ALDOA: variants seen among roughly 807,000 people sequenced by gnomAD.
ALDOA encodes aldolase, fructose-bisphosphate A, also known as fructose-bisphosphate aldolase A.
A neutral mutation model predicts 43.9 loss-of-function variants in ALDOA; 26 were observed. The observed-to-expected ratio is 0.59, with a 90% CI of 0.43 to 0.82. ALDOA has a LOEUF of 0.82. Among genes scored for constraint, ALDOA ranks in the 40% least tolerant of loss-of-function variants. The pLI is 0.00. For missense variants in ALDOA, 498 were observed against 549.5 expected, an observed-to-expected ratio of 0.91 and a Z score of 0.94; for synonymous variants, 258 against 222.6, an observed-to-expected ratio of 1.16 and a Z score of -1.42.
chr16:30,067,653 G>A lies in ALDOA; in HGVS notation c.478G>A (p.Gly160Ser). 1 of 1,614,152 alleles carries A rather than the reference G, an allele frequency of 6.2e-7. No individual in the cohort carries two copies. Among genetic ancestry groups the A allele is most frequent in the Non-Finnish European group, 8.5e-7 (1 of 1,180,040 alleles). The change falls in exon 4 of 10, where the codon GGC (glycine) becomes AGC (serine). Residue 160 changes from glycine to serine, a missense_variant. By Grantham distance (56) the Gly-to-Ser change is moderately conservative. Coordinates refer to ENST00000642816, the MANE Select transcript of ALDOA (RefSeq NM_001243177.4). Reference sequence around the variant, plus strand: ...TATCAAATCCAAGGGCGGTGTTGTGGGCATCAAGGTAAGGGGAGGGCCTCC... The same window carrying A: ...TATCAAATCCAAGGGCGGTGTTGTGAGCATCAAGGTAAGGGGAGGGCCTCC... ...QVIKSKGGVVGIKVDKGVVPL... is the reference protein window; with the variant it reads ...QVIKSKGGVVSIKVDKGVVPL...
chr16:30,069,476 ACCGTGCG>A lies in ALDOA; in HGVS notation c.787-20_787-14del, dbSNP rs781754795. ...TATCCTCTCCTCCACCCCACTACCC[ACCGTGCG>A]CCTGCTCTGCTCCAGGTGCTGGCTG... On this transcript the variant is annotated splice_polypyrimidine_tract_variant and intron_variant, in intron 7 of 9. Transcript: ENST00000642816. 1 of 1,613,760 alleles carries A rather than the reference ACCGTGCG, an allele frequency of 6.2e-7. No homozygotes were observed. The highest frequency in any genetic ancestry group is 2.2e-5 in the East Asian group (1 of 44,886).
Position 30,070,147 on chromosome 16 carries a change from A to T in ALDOA, c.1192A>T (p.Thr398Ser), listed in dbSNP as rs776994056. Residue 398 changes from threonine to serine, a missense_variant, in exon 10 of 10, where the codon ACT (threonine) becomes TCT (serine). Physicochemically the swap from Thr to Ser is moderately conservative, Grantham distance 58. Transcript: ENST00000642816. ...CAGCCTTGCCTGTCAAGGAAAGTAC[A>T]CTCCGAGCGGTCAGGCTGGGGCTGC... Reference protein sequence around the residue: ...ANSLACQGKYTPSGQAGAAAS... With the variant: ...ANSLACQGKYSPSGQAGAAAS... 3.1e-6 allele frequency: 5 copies of T among 1,613,918 alleles called. No homozygotes were observed. In the South Asian group the frequency reaches 5.5e-5, roughly 18 times the overall value.
Position 30,067,536 on chromosome 16 carries a change from G to A in ALDOA, c.361G>A (p.Asp121Asn). ...CTACCGCCAGCTGCTGCTGACAGCT[G>A]ACGACCGCGTGAACCCCTGCATTGG... ...RFYRQLLLTA[D>N]DRVNPCIGGV... The change falls in exon 4 of 10, where the codon GAC (aspartate) becomes AAC (asparagine). Residue 121 changes from aspartate (D) to asparagine (N), a missense_variant. Transcript: ENST00000642816. 1 of 1,613,902 alleles carries A rather than the reference G, an allele frequency of 6.2e-7. No homozygotes were observed. The highest frequency in any genetic ancestry group is 1.1e-5 in the South Asian group (1 of 91,078).
chr16:30,065,338 G>A (rs1430541892), upstream of ALDOA, among the ~76,000 whole-genome samples: 1 of 152,234 alleles, frequency 6.6e-6, no homozygotes, highest in East Asian at 1.9e-4. Context: ...CGCTGCAGCC[G>A]CGAAGACCGG....
chr16:30,066,801 G>A, intron 1 of ALDOA, 84 bp from the exon 2 acceptor site: 3 of 1,440,950 alleles, frequency 2.1e-6, no homozygotes, highest in Non-Finnish European at 2.8e-6. Context: ...CCATATCTGG[G>A]CCCTTTCCCA....
At chr16:30,066,800 G>T in intron 1 of ALDOA, 85 bp from the exon 2 acceptor site, 1 of 1,434,452 alleles carries the variant, frequency 7.0e-7, no homozygotes, top group Non-Finnish European at 9.4e-7. Flanking sequence ...CCCATATCTG[G>T]GCCCTTTCCC....
Position 30,069,659 on chromosome 16 carries a change from C to T in ALDOA, c.947C>T (p.Pro316Leu). ...GTCACAGCGCTGCGCCGCACAGTGCCCCCCGCTGTCACTGGTGAGGCCCAC... is the reference window on the plus strand; with the variant it reads ...GTCACAGCGCTGCGCCGCACAGTGCTCCCCGCTGTCACTGGTGAGGCCCAC... The part of the protein sequence containing the change: ...ATVTALRRTV[P>L]PAVTGITFLS... Residue 316 changes from proline (P) to leucine (L), a missense_variant, in exon 8 of 10, where the codon CCC becomes CTC. By Grantham distance (98) the Pro-to-Leu change is moderately conservative. Coordinates refer to ENST00000642816, the MANE Select transcript of ALDOA (RefSeq NM_001243177.4). 6.2e-7 allele frequency: 1 copy of T among 1,613,634 alleles called. No homozygotes were observed. The highest frequency in any genetic ancestry group is 8.5e-7 in the Non-Finnish European group (1 of 1,180,006).
In ALDOA at chr16:30,069,324, G is replaced by T; in HGVS notation, c.721G>T (p.Val241Leu). ...CCTGCAGAATGGCATTGTGCCCATC[G>T]TGGAGCCTGAGATCCTCCCTGATGG... is the stretch of plus-strand genomic sequence containing the variant. ...ICQQNGIVPIVEPEILPDGDH... is the reference protein window; with the variant it reads ...ICQQNGIVPILEPEILPDGDH... The change falls in exon 7 of 10, where the codon GTG becomes TTG. Residue 241 changes from valine to leucine, a missense_variant. Val to Leu is a conservative substitution (Grantham distance 32). Transcript: ENST00000642816. The T allele has an allele frequency of 1.2e-6, 2 of 1,614,160 alleles. No individual in the cohort carries two copies. Among genetic ancestry groups the T allele is most frequent in the East Asian group, 2.2e-5 (1 of 44,878 alleles).
chr16:30,067,091 C>T, intron 2 of ALDOA, 53 bp downstream of exon 2: 1 of 1,568,630 alleles, frequency 6.4e-7, no homozygotes, highest in Non-Finnish European at 8.6e-7. Context: ...GAGCTGGGGA[C>T]CAGAAGTGCC....
Position 30,070,097 on chromosome 16 carries a change from C to T in ALDOA, c.1162-20C>T. ...GACTCGGAGAAGAGCCCTTCTCACT[C>T]CACCCCTCTCCCTGCTTAGGCCAAC... On this transcript the variant is annotated intron_variant, in intron 9 of 9. Coordinates refer to ENST00000642816, the MANE Select transcript of ALDOA (RefSeq NM_001243177.4). 3 of 1,613,806 alleles carry T rather than the reference C, an allele frequency of 1.9e-6. No individual in the cohort carries two copies. The highest frequency in any genetic ancestry group is 2.5e-6 in the Non-Finnish European group (3 of 1,179,940).
chr16:30,066,908 G>T lies in ALDOA; in HGVS notation c.11G>T (p.Arg4Leu). MAR[R>L]KPEGSSFNMT... ...AGGCAAGGTGACCCCATGGCAAGGC[G>T]CAAGCCAGAAGGGTCCAGCTTCAAC... Residue 4 changes from arginine to leucine, a missense_variant, in exon 2 of 10, where the codon CGC (arginine) becomes CTC (leucine). Arg to Leu is a moderately radical substitution (Grantham distance 102, BLOSUM62 -2). Coordinates refer to ENST00000642816, the MANE Select transcript of ALDOA (RefSeq NM_001243177.4). 1 of 1,550,348 alleles carries T rather than the reference G, an allele frequency of 6.5e-7. No individual in the cohort carries two copies. Among genetic ancestry groups the T allele is most frequent in the African/African-American group, 1.4e-5 (1 of 73,164 alleles).
At position 30,068,638 on chromosome 16, in the gene ALDOA, C is replaced by T. The variant is rs1289447903; in HGVS notation, c.487-8C>T. 1.9e-6 allele frequency: 3 copies of T among 1,614,066 alleles called. No individual in the cohort carries two copies. The Admixed American group carries it at 5.0e-5, about 27-fold the overall frequency. ...TGTGTCTTAATGTTGTTACCCTGAC[C>T]CCAACAGGTAGACAAGGGCGTGGTC... On this transcript the variant is annotated splice_region_variant and splice_polypyrimidine_tract_variant and intron_variant, in intron 4 of 9. Transcript: ENST00000642816.
In ALDOA at chr16:30,067,970, C is replaced by G. The variant is rs192665994; in HGVS notation, c.486+309C>G. 24 of 455,616 alleles carry G rather than the reference C, an allele frequency of 5.3e-5. No homozygotes were observed. The East Asian group carries it at 1.0e-3, about 20-fold the overall frequency. The allele number at this position is 455,616 out of a possible 1,614,324, so 28.2% of individuals were successfully genotyped here. On this transcript the variant is annotated intron_variant, in intron 4 of 9. Transcript: ENST00000642816. ...GTTGTCAAATAACATCCCAGTGTAT[C>G]CTGTCTCAGAGGATTGTTACTAAGT...
Position 30,066,994 on chromosome 16 carries a change from C to T in ALDOA, c.97C>T (p.His33Tyr), listed in dbSNP as rs759070394. The T allele has an allele frequency of 1.9e-5, 30 of 1,562,490 alleles. No individual in the cohort carries two copies. Among genetic ancestry groups the T allele is most frequent in the Admixed American group, 3.8e-5 (2 of 52,202 alleles). Residue 33 changes from histidine (H) to tyrosine (Y), a missense_variant, in exon 2 of 10, where the codon CAC becomes TAC. By Grantham distance (83) the His-to-Tyr change is moderately conservative (BLOSUM62 2). Coordinates refer to ENST00000642816, the MANE Select transcript of ALDOA (RefSeq NM_001243177.4). ...TCCCCCAGTTGCCAGTGGGCAACTC[C>T]ACCCTCAGCTGGGCAACACCCAGCA... ...SFPPVASGQL[H>Y]PQLGNTQHQT...
At chr16:30,066,116 C>G (rs1013809393) in intron 1 of ALDOA, 189 bp downstream of exon 1, 1 of 152,778 alleles carries the variant, frequency 6.5e-6, no homozygotes, top group Non-Finnish European at 1.5e-5. Flanking sequence ...CGGCTGCGCG[C>G]GCTGAGTCAT....
chr16:30,068,764 G>A, intron 5 of ALDOA, 54 bp from the exon 6 acceptor site: 1 of 1,614,222 alleles, frequency 6.2e-7, no homozygotes, highest in Non-Finnish European at 8.5e-7. Flanking sequence ...GCTGGGAGGA[G>A]TGGAAACCAC....
chr16:30,065,842 A>G lies in ALDOA; in HGVS notation c.-99A>G, dbSNP rs2072080662. 6.5e-6 allele frequency: 1 copy of G among 152,760 alleles called. No homozygotes were observed. The highest frequency in any genetic ancestry group is 6.5e-5 in the Admixed American group (1 of 15,274). The allele number at this position is 152,760 out of a possible 1,614,324, so 9.5% of individuals were successfully genotyped here. A position where few individuals can be genotyped will look rare whatever the true frequency, so the allele number is the denominator to read the frequency against. ...CGCCGCAGAAGGGGTCCTGGTGACG[A>G]GTCCCGCGTTCTCTCCTTGAATCCA... On this transcript the variant is annotated 5_prime_UTR_variant, in exon 1 of 10. Transcript: ENST00000642816.
Position 30,066,970 on chromosome 16 carries a change from C to T in ALDOA, c.73C>T (p.Pro25Ser). The change falls in exon 2 of 10, where the codon CCC becomes TCC. Residue 25 changes from proline (P) to serine (S), a missense_variant. Transcript: ENST00000642816. ...GTCCATGGCTATGGCCTTTTCCTTT[C>T]CCCCAGTTGCCAGTGGGCAACTCCA... ...HLSMAMAFSF[P>S]PVASGQLHPQ... 6.4e-7 allele frequency: 1 copy of T among 1,553,680 alleles called. No homozygotes were observed. The highest frequency in any genetic ancestry group is 8.7e-7 in the Non-Finnish European group (1 of 1,148,936).
At chr16:30,066,469 C>T (rs1264555070) in intron 1 of ALDOA, among the ~76,000 whole-genome samples, 2 of 152,262 alleles carry the variant, frequency 1.3e-5, no homozygotes, top group East Asian at 3.9e-4. Flanking sequence ...GGCGCTTGCT[C>T]CTCCACGTTC....
Sources: gnomAD v4.1 joint callset for allele counts (sites outside exome capture counted in the v4.1 genomes callset) on GRCh38, gnomAD v4.1.1 for gene constraint, MANE v1.5 for transcripts, NCBI Gene and HGNC (gene_info 2026-07-23, HGNC 2026-07-21) for gene names.